GRAMD1A: variants seen among roughly 807,000 people sequenced by gnomAD.
GRAMD1A encodes the protein protein Aster-A.
Under a neutral mutation model 92.0 loss-of-function variants are expected in GRAMD1A, and 50 were observed. The ratio of observed to expected loss-of-function variants is 0.54; its 90% CI spans 0.43 to 0.69. GRAMD1A has a LOEUF of 0.69. Among genes scored for constraint, GRAMD1A ranks in the 30% least tolerant of loss-of-function variants. GRAMD1A has a pLI of 0.00. For synonymous variants in GRAMD1A, 405 were observed against 403.6 expected (o/e 1.00, Z -0.04); for missense variants, 819 against 978.9 (o/e 0.84, Z 2.18).
rs1600354754 is a variant in GRAMD1A, at chr19:35,026,391, T to G, written c.*250T>G. ...AGGTTGTGGGGGGCGCCTCCTGGGG[T>G]GCACGATTCCCTCAGCTCTGGGTTT... On this transcript the variant is annotated 3_prime_UTR_variant, in exon 20 of 20. Coordinates refer to ENST00000317991, the MANE Select transcript of GRAMD1A (RefSeq NM_020895.5). The G allele has an allele frequency of 1.8e-6, 1 of 563,424 alleles. No individual in the cohort carries two copies. Among genetic ancestry groups the G allele is most frequent in the Non-Finnish European group, 3.2e-6 (1 of 314,868 alleles). 34.9% of individuals were successfully genotyped at this position (563,424 alleles called of 1,614,324 possible). A position where few individuals can be genotyped will look rare whatever the true frequency, so the allele number is the denominator to read the frequency against.
chr19:35,015,715 G>A lies in GRAMD1A; in HGVS notation c.1070-109G>A, dbSNP rs2015571573. 4.0e-6 allele frequency: 4 copies of A among 1,010,658 alleles called. No individual in the cohort carries two copies. The South Asian group carries it at 5.0e-5, about 13-fold the overall frequency. The allele number at this position is 1,010,658 out of a possible 1,614,324, so 62.6% of individuals were successfully genotyped here. On this transcript the variant is annotated intron_variant, in intron 10 of 19. Coordinates refer to ENST00000317991, the MANE Select transcript of GRAMD1A (RefSeq NM_020895.5). ...GTCAGTGTCCAGCTGTGCTCCAGGAGGTGGGGTCCGCCCATGCACACTACA... is the reference window on the plus strand; with the variant it reads ...GTCAGTGTCCAGCTGTGCTCCAGGAAGTGGGGTCCGCCCATGCACACTACA...
chr19:34,996,116 C>T, upstream of GRAMD1A: 1 of 1,536,098 alleles, frequency 6.5e-7, no homozygotes, highest in Non-Finnish European at 8.7e-7. Flanking sequence ...GCAGCGGAAG[C>T]AGCAGCCACA....
rs1243385506 is a variant in GRAMD1A, at chr19:35,021,664, A to G, written c.1580-27A>G. ...GGGGATGGCCTGGCCAGGTATGGACATCCAGAGCCCCCTCTCTTTTACGCA... is the reference window on the plus strand; with the variant it reads ...GGGGATGGCCTGGCCAGGTATGGACGTCCAGAGCCCCCTCTCTTTTACGCA... On this transcript the variant is annotated intron_variant, in intron 14 of 19. Coordinates refer to ENST00000317991, the MANE Select transcript of GRAMD1A (RefSeq NM_020895.5). This position sits in a 1 kb window ranked among gnomAD's most constrained non-coding sequence, Gnocchi z 5.3. 1 of 1,613,866 alleles carries G rather than the reference A, an allele frequency of 6.2e-7. No individual in the cohort carries two copies. The highest frequency in any genetic ancestry group is 8.5e-7 in the Non-Finnish European group (1 of 1,179,896).
Position 35,013,781 on chromosome 19 carries a change from T to G in GRAMD1A, c.870+90T>G. The G allele has an allele frequency of 3.0e-6, 4 of 1,336,634 alleles. No individual in the cohort carries two copies. Among genetic ancestry groups the G allele is most frequent in the South Asian group, 1.3e-5 (1 of 75,490 alleles). 82.8% of individuals were successfully genotyped at this position (1,336,634 alleles called of 1,614,324 possible). ...GTGGGAGAAGAACAGCCTGACAGAT[T>G]TGGAGGGGAATGGATAGGGGGACAG... On this transcript the variant is annotated intron_variant, in intron 9 of 19. Transcript: ENST00000317991. This position sits in a 1 kb window ranked among gnomAD's most constrained non-coding sequence, Gnocchi z 4.9.
chr19:35,013,591 C>CG lies in GRAMD1A; in HGVS notation c.775dup (p.Ala259GlyfsTer3), dbSNP rs758393718. 28 of 1,613,196 alleles carry CG rather than the reference C, an allele frequency of 1.7e-5. No homozygotes were observed. The highest frequency in any genetic ancestry group is 2.1e-5 in the Non-Finnish European group (25 of 1,179,624). On this transcript the variant is annotated frameshift_variant, in exon 9 of 20. Transcript: ENST00000317991. LOFTEE classifies it high-confidence loss of function. The surrounding 1 kb of genome is among the most constrained non-coding windows in gnomAD (Gnocchi z 4.9). ...ATCGCCCTGAGCGACATCACCTCCT[C>CG]GGGGGCAGCTGACCGCAGCCAGGAG...
chr19:35,019,913 G>T (rs529857807), intron 13 of GRAMD1A, among the ~76,000 whole-genome samples: 3 of 152,344 alleles, frequency 2.0e-5, no homozygotes, highest in African/African-American at 7.2e-5. Context: ...AAGAAGCAGG[G>T]TGTGGAGGCT....
chr19:34,997,020 T>G (rs1232079387), upstream of GRAMD1A, among the ~76,000 whole-genome samples: 1 of 152,016 alleles, frequency 6.6e-6, no homozygotes, highest in Admixed American at 6.6e-5. Context: ...GCAACTTCCA[T>G]TGCTCCCCCC....
rs888154704 is a variant in GRAMD1A, at chr19:35,013,295, T to C, written c.646T>C (p.Cys216Arg). 5 of 1,551,600 alleles carry C rather than the reference T, an allele frequency of 3.2e-6. No homozygotes were observed. The South Asian group carries it at 3.6e-5, about 11-fold the overall frequency. Residue 216 changes from cysteine (C) to arginine (R), a missense_variant, in exon 8 of 20, where the codon TGC becomes CGC. By Grantham distance (180) the Cys-to-Arg change is radical. Coordinates refer to ENST00000317991, the MANE Select transcript of GRAMD1A (RefSeq NM_020895.5). The surrounding 1 kb of genome is among the most constrained non-coding windows in gnomAD (Gnocchi z 4.9). ...PRELWHLVHQ[C>R]YGSELGLTSE... ...CGAGCTCTGGCACCTGGTGCATCAG[T>C]GCTACGGCTCAGAGCTGGGCCTCAC...
rs115771453 is a variant in GRAMD1A, at chr19:35,010,474, T to C, written c.525+95T>C. 2.6e-3 allele frequency: 2,162 copies of C among 827,360 alleles called. 32 individuals are homozygous for C. In the African/African-American group the frequency reaches 0.031, roughly 12 times the overall value. 51.3% of individuals were successfully genotyped at this position (827,360 alleles called of 1,614,324 possible). On this transcript the variant is annotated intron_variant, in intron 6 of 19. Coordinates refer to ENST00000317991, the MANE Select transcript of GRAMD1A (RefSeq NM_020895.5). ...AGCCCCATTTGTTCTGCACCCTGAG[T>C]TCTCTCCGAGCTGTCCCCTTCTCTC...
At position 35,000,608 on chromosome 19, in the gene GRAMD1A, C is replaced by A; in HGVS notation, c.8+122C>A. 1 of 468,950 alleles carries A rather than the reference C, an allele frequency of 2.1e-6. No homozygotes were observed. Among genetic ancestry groups the A allele is most frequent in the Non-Finnish European group, 3.0e-6 (1 of 332,244 alleles). The allele number at this position is 468,950 out of a possible 1,614,324, so 29.0% of individuals were successfully genotyped here. ...GCTGCAGAGGTCGGGGGCCTCTGCA[C>A]ATGGCTCTGGCCGGGGCGATCGGGG... is the stretch of plus-strand genomic sequence containing the variant. On this transcript the variant is annotated intron_variant, in intron 1 of 19. Transcript: ENST00000317991. This position sits in a 1 kb window ranked among gnomAD's most constrained non-coding sequence, Gnocchi z 4.9.
rs752124993 is a variant in GRAMD1A, at chr19:35,015,982, G to A, written c.1213+15G>A. 6.2e-7 allele frequency: 1 copy of A among 1,610,674 alleles called. No individual in the cohort carries two copies. Among genetic ancestry groups the A allele is most frequent in the Non-Finnish European group, 8.5e-7 (1 of 1,178,134 alleles). On this transcript the variant is annotated intron_variant, in intron 11 of 19. Transcript: ENST00000317991. ...CAAGTTCACAGGTCAGCGGGCGCATGAAGGAGAGGCTGAGGTTACCCAGGT... is the reference window on the plus strand; with the variant it reads ...CAAGTTCACAGGTCAGCGGGCGCATAAAGGAGAGGCTGAGGTTACCCAGGT...
intron 1 of GRAMD1A, among the ~76,000 whole-genome samples, chr19:35,004,540 TACTG>T (rs1454036987): frequency 6.6e-6 from 1 of 152,172 alleles, no homozygotes; most frequent in East Asian, 1.9e-4. Flanking sequence ...CTTGTTTTCT[TACTG>T]ACGGTCTATG....
At chr19:35,007,102 T>G (rs996559089) in intron 1 of GRAMD1A, among the ~76,000 whole-genome samples, 1 of 151,904 alleles carries the variant, frequency 6.6e-6, no homozygotes, top group African/African-American at 2.4e-5. Context: ...CAAGGTGAGG[T>G]CTTTGCTTTT....
At position 35,000,525 on chromosome 19, in the gene GRAMD1A, CG is replaced by C. The variant is rs1423700331; in HGVS notation, c.8+44del. Reference sequence around the variant, plus strand: ...GACTAGAGCTCAGGGACCGGGCGCGCGGGGGAGGCCACCGGAGGGAGGGGGC... The same window carrying C: ...GACTAGAGCTCAGGGACCGGGCGCGCGGGGAGGCCACCGGAGGGAGGGGGC... On this transcript the variant is annotated intron_variant, in intron 1 of 19. Transcript: ENST00000317991. This position sits in a 1 kb window ranked among gnomAD's most constrained non-coding sequence, Gnocchi z 4.9. The C allele has an allele frequency of 1.6e-5, 19 of 1,200,938 alleles. No homozygotes were observed. Among genetic ancestry groups the C allele is most frequent in the Middle Eastern group, 3.4e-4 (1 of 2,980 alleles). 74.4% of individuals were successfully genotyped at this position (1,200,938 alleles called of 1,614,324 possible).
chr19:34,996,200 T>G, upstream of GRAMD1A: 1 of 1,535,478 alleles, frequency 6.5e-7, no homozygotes, highest in Non-Finnish European at 8.7e-7. Flanking sequence ...CATAACGCCA[T>G]CCAGTGATGG....
intron 1 of GRAMD1A, among the ~76,000 whole-genome samples, chr19:35,007,646 C>T (rs1483529152): frequency 1.3e-5 from 2 of 152,026 alleles, no homozygotes; most frequent in Admixed American, 6.6e-5. Context: ...GTGGGAGGAT[C>T]ACTTGAGGTC....
intron 19 of GRAMD1A, 37 bp downstream of exon 19, chr19:35,023,584 G>A (rs1469304267): frequency 2.0e-6 from 3 of 1,536,900 alleles, no homozygotes; most frequent in African/African-American, 2.8e-5. Flanking sequence ...CGGGGCTGCG[G>A]GGCTGCAGGG....
At chr19:34,998,675 G>C (rs2014145667), upstream of GRAMD1A, 2 of 152,084 alleles carry the variant, frequency 1.3e-5, no homozygotes, top group Non-Finnish European at 2.9e-5. Context: ...GAAATCTAAA[G>C]AGATCAGTTG....
At chr19:35,009,098 T>C (rs760211532) in intron 1 of GRAMD1A, 21 bp from the exon 2 acceptor site, 13 of 1,557,332 alleles carry the variant, frequency 8.3e-6, no homozygotes, top group Admixed American at 1.7e-5. Context: ...TTAACACTTC[T>C]CTTCCTCTTC....
Sources: gnomAD v4.1 joint callset for allele counts (sites outside exome capture counted in the v4.1 genomes callset) on GRCh38, gnomAD v4.1.1 for gene constraint, Gnocchi (gnomAD v3.1) non-coding constraint, MANE v1.5 for transcripts, NCBI Gene and HGNC (gene_info 2026-07-23, HGNC 2026-07-21) for gene names.